Variants in HDDC2 observed in about 807,000 individuals in gnomAD.
The protein encoded by HDDC2 is 5'-deoxynucleotidase HDDC2.
A neutral mutation model predicts 25.5 loss-of-function variants in HDDC2; 25 were observed. The observed-to-expected ratio is 0.98, with a 90% CI of 0.72 to 1.37. The LOEUF (loss-of-function observed/expected upper bound fraction) is 1.37, where lower values mean the gene tolerates loss of function less well. Ranked by LOEUF, HDDC2 falls within the 40% of genes most tolerant of loss-of-function variation. The probability of loss-of-function intolerance (pLI) is 0.00; values close to 1 mark genes in which losing one functional copy is unlikely to be tolerated. For missense variants in HDDC2, 264 were observed against 253.1 expected, an observed-to-expected ratio of 1.04 and a Z score of -0.29; for synonymous variants, 106 against 89.7, an observed-to-expected ratio of 1.18 and a Z score of -1.03.
At chr6:125,277,029 T>C in intron 5 of HDDC2, 73 bp downstream of exon 5, 2 of 1,485,676 alleles carry the variant, frequency 1.3e-6, no homozygotes, top group Non-Finnish European at 1.9e-6. Flanking sequence ...TGGGTTTCCC[T>C]AATATTAACA....
chr6:125,300,296 C>A, intron 2 of HDDC2: 1 of 466,880 alleles, frequency 2.1e-6, no homozygotes, highest in South Asian at 3.2e-5. Context: ...CCCAATATCA[C>A]ACTTAAGTTT....
chr6:125,292,669 T>C (rs1798648403), intron 4 of HDDC2, among the ~76,000 whole-genome samples, 172 bp downstream of exon 4: 1 of 152,008 alleles, frequency 6.6e-6, no homozygotes, highest in Non-Finnish European at 1.5e-5. Context: ...GATACAAAAT[T>C]TCTATCCATC....
At chr6:125,277,667 C>CATTTCTAAGTGT (rs1798391293) in intron 4 of HDDC2, 1 of 155,618 alleles carries the variant, frequency 6.4e-6, no homozygotes, top group African/African-American at 2.4e-5. Flanking sequence ...GTTTCCTTGT[C>CATTTCTAAGTGT]ATTTCTAAGT....
At chr6:125,301,365 C>A (rs1798799134) in intron 1 of HDDC2, among the ~76,000 whole-genome samples, 1 of 151,892 alleles carries the variant, frequency 6.6e-6, no homozygotes, top group Non-Finnish European at 1.5e-5. Context: ...GTGAGACAGA[C>A]ATAAAAAGCT....
chr6:125,293,166 G>A (rs1338657998), intron 3 of HDDC2: 4 of 526,780 alleles, frequency 7.6e-6, no homozygotes, highest in Non-Finnish European at 1.4e-5. Context: ...ACATAGAAAA[G>A]GACAATGAGG....
chr6:125,286,775 G>A (rs1006826141), intron 4 of HDDC2, among the ~76,000 whole-genome samples: 10 of 152,120 alleles, frequency 6.6e-5, no homozygotes, highest in Admixed American at 2.0e-4. Flanking sequence ...TTCTGCTATC[G>A]AAGAAGCATA....
chr6:125,287,639 G>C (rs987956195), intron 4 of HDDC2, among the ~76,000 whole-genome samples: 1 of 152,192 alleles, frequency 6.6e-6, no homozygotes, highest in Non-Finnish European at 1.5e-5. Flanking sequence ...TTTTTCAGGA[G>C]AATGTATGGA....
chr6:125,298,627 T>G, intron 3 of HDDC2, 87 bp downstream of exon 3: 1 of 925,832 alleles, frequency 1.1e-6, no homozygotes, highest in Admixed American at 1.9e-5. Context: ...GTATTCTCCC[T>G]AACTGTAACA....
In HDDC2 at chr6:125,301,661, G is replaced by A. The variant is rs1408817504; in HGVS notation, c.84+188C>T. Among the ~76,000 whole-genome samples, 6 of 152,304 alleles carry A rather than the reference G, an allele frequency of 3.9e-5. No individual in the cohort carries two copies. The East Asian group carries it at 9.7e-4, about 25-fold the overall frequency. On this transcript the variant is annotated intron_variant, in intron 1 of 5. Transcript: ENST00000398153. Reference sequence around the variant, plus strand: ...CCCAGCTGGCCAGCCTGTCCCGCCGGCTGCTTCCTCCGTCCACCGTCGGCA... The same window carrying A: ...CCCAGCTGGCCAGCCTGTCCCGCCGACTGCTTCCTCCGTCCACCGTCGGCA...
chr6:125,301,841 C>T lies in HDDC2; in HGVS notation c.84+8G>A, dbSNP rs529967186. 3.2e-6 allele frequency: 5 copies of T among 1,540,244 alleles called. No homozygotes were observed. The South Asian group carries it at 4.8e-5, about 15-fold the overall frequency. On this transcript the variant is annotated splice_region_variant and intron_variant, in intron 1 of 5. Coordinates refer to ENST00000398153, the MANE Select transcript of HDDC2 (RefSeq NM_016063.3). Reference sequence around the variant, plus strand: ...CGGCCGCGGCCTCCCGGCCTGGTGCCCGCTCACCTTGAGCTGCCCTACCAG... The same window carrying T: ...CGGCCGCGGCCTCCCGGCCTGGTGCTCGCTCACCTTGAGCTGCCCTACCAG...
At chr6:125,279,223 T>C (rs1798420382) in intron 4 of HDDC2, 1 of 152,196 alleles carries the variant, frequency 6.6e-6, no homozygotes, top group African/African-American at 2.4e-5. Flanking sequence ...ACTCCAATAG[T>C]GGATGAGCAC....
chr6:125,279,698 C>G (rs1471459188), intron 4 of HDDC2, among the ~76,000 whole-genome samples: 1 of 151,992 alleles, frequency 6.6e-6, no homozygotes, highest in African/African-American at 2.4e-5. Context: ...GCAATTTGAA[C>G]TAAATTTCCT....
chr6:125,292,383 T>C (rs1406132048), intron 4 of HDDC2, among the ~76,000 whole-genome samples: 1 of 152,066 alleles, frequency 6.6e-6, no homozygotes, highest in African/African-American at 2.4e-5. Context: ...CCCTGTTCCA[T>C]GCCAGGCATC....
intron 4 of HDDC2, among the ~76,000 whole-genome samples, chr6:125,289,500 A>C (rs376431340): frequency 1.8e-4 from 24 of 133,468 alleles, no homozygotes; most frequent in East Asian, 1.8e-3. Context: ...AAAAATTAAA[A>C]AAAACAAAAC....
chr6:125,298,750 A>G lies in HDDC2; in HGVS notation c.273T>C (p.Asp91=), dbSNP rs374215733. The change falls in exon 3 of 6, where the codon GAT becomes GAC. Residue 91 remains aspartate (D), a synonymous_variant. Coordinates refer to ENST00000398153, the MANE Select transcript of HDDC2 (RefSeq NM_016063.3). Reference sequence around the variant, plus strand: ...TATGTTTTTCTTCTTTGGGGATGTTATCTGCTGGTGCTATGTCCCCAACGA... The same window carrying G: ...TATGTTTTTCTTCTTTGGGGATGTTGTCTGCTGGTGCTATGTCCCCAACGA... The part of the protein sequence containing the change: ...ECIVGDIAPA[D]NIPKEEKHRR... 1.4e-5 allele frequency: 23 copies of G among 1,614,112 alleles called. No homozygotes were observed. The African/African-American group carries it at 2.9e-4, about 21-fold the overall frequency.
chr6:125,292,459 C>T (rs1798646035), intron 4 of HDDC2, among the ~76,000 whole-genome samples: 1 of 152,112 alleles, frequency 6.6e-6, no homozygotes, highest in Non-Finnish European at 1.5e-5. Context: ...AGATGAGCAA[C>T]AGACTCAGTG....
rs965970955 is a variant in HDDC2 at position 125,275,486 on chromosome 6, T to C, written c.*660A>G. 1 of 152,216 alleles carries C rather than the reference T, an allele frequency of 6.6e-6. No individual in the cohort carries two copies. Among genetic ancestry groups the C allele is most frequent in the Non-Finnish European group, 1.5e-5 (1 of 68,040 alleles). The allele number at this position is 152,216 out of a possible 1,614,324, so 9.4% of individuals were successfully genotyped here. A position where few individuals can be genotyped will look rare whatever the true frequency, so the allele number is the denominator to read the frequency against. On this transcript the variant is annotated 3_prime_UTR_variant, in exon 6 of 6. Coordinates refer to ENST00000398153, the MANE Select transcript of HDDC2 (RefSeq NM_016063.3). ...TGCTTTTACAATAAAGGTCTCAAGATTTATAAGTCAGACAGGGAAAAATAT... is the reference window on the plus strand; with the variant it reads ...TGCTTTTACAATAAAGGTCTCAAGACTTATAAGTCAGACAGGGAAAAATAT...
intron 4 of HDDC2, among the ~76,000 whole-genome samples, chr6:125,286,053 A>AT (rs1189915347): frequency 2.6e-5 from 4 of 152,214 alleles, no homozygotes; most frequent in African/African-American, 9.6e-5. Context: ...GGGAACAAGG[A>AT]TTTTACATGC....
At chr6:125,279,594 C>T (rs1032776335) in intron 4 of HDDC2, among the ~76,000 whole-genome samples, 4 of 152,028 alleles carry the variant, frequency 2.6e-5, no homozygotes, top group Admixed American at 6.6e-5. Context: ...CTTAGCCATT[C>T]CACAACATTT....
Sources: allele counts gnomAD v4.1 joint callset (sites outside exome capture counted in the v4.1 genomes callset), GRCh38; gene constraint gnomAD v4.1.1; transcripts MANE v1.5; gene names NCBI Gene and HGNC (gene_info 2026-07-23, HGNC 2026-07-21).